The following DCLK1 variants were observed in gnomAD, a reference collection of about 807,000 sequenced individuals.
The protein encoded by DCLK1 is doublecortin like kinase 1.
DCLK1 carries 16 observed loss-of-function variants against 86.2 expected under a neutral mutation model. That is an observed-to-expected ratio of 0.19 (90% CI 0.13 to 0.28). The LOEUF is 0.28. DCLK1 is among the 10% of genes least tolerant of loss of function. The pLI is 1.00. For synonymous variants in DCLK1, 369 were observed against 370.5 expected, an observed-to-expected ratio of 1.00 and a Z score of 0.05; for missense variants, 590 against 940.2, an observed-to-expected ratio of 0.63 and a Z score of 4.87.
chr13:35,817,530 TA>T (rs1229500721), intron 11 of DCLK1, among the ~76,000 whole-genome samples: 1 of 152,196 alleles, frequency 6.6e-6, no homozygotes, highest in African/African-American at 2.4e-5. Context: ...TCTTGCCCAC[TA>T]ATATCTTCTC....
chr13:35,975,957 C>T (rs960709622), intron 3 of DCLK1, among the ~76,000 whole-genome samples: 1 of 152,192 alleles, frequency 6.6e-6, no homozygotes, highest in African/African-American at 2.4e-5. Flanking sequence ...CAGGGGACCA[C>T]ATCCTCCGAC....
chr13:35,859,370 G>T (rs892313757), intron 5 of DCLK1, among the ~76,000 whole-genome samples: 3 of 151,556 alleles, frequency 2.0e-5, no homozygotes, highest in African/African-American at 7.2e-5. Context: ...GTCATCCTTT[G>T]CTGTGCTTGT....
intron 4 of DCLK1, among the ~76,000 whole-genome samples, chr13:35,901,491 C>CAAAAA (rs58801666): frequency 0.01 from 464 of 45,878 alleles, 120 homozygotes; most frequent in Non-Finnish European, 0.011. Context: ...GACTCTGTCT[C>CAAAAA]AAAAAAAAAA....
At chr13:35,814,273 GCACA>G (rs928703357) in intron 11 of DCLK1, among the ~76,000 whole-genome samples, 2 of 151,800 alleles carry the variant, frequency 1.3e-5, no homozygotes, top group African/African-American at 4.8e-5. Flanking sequence ...GCGCACACAC[GCACA>G]CACACACAGC....
intron 11 of DCLK1, 97 bp downstream of exon 11, chr13:35,822,632 A>G: frequency 1.3e-6 from 2 of 1,539,482 alleles, no homozygotes; most frequent in African/African-American, 2.8e-5. Context: ...CCTTTCAGGT[A>G]AATTTTTAAA....
chr13:36,020,839 A>G (rs1475712853), intron 3 of DCLK1, among the ~76,000 whole-genome samples: 1 of 152,214 alleles, frequency 6.6e-6, no homozygotes, highest in Admixed American at 6.5e-5. Context: ...ACTAGCAGTC[A>G]TGCCTTACAG....
At chr13:35,989,519 G>A (rs1046787561) in intron 3 of DCLK1, among the ~76,000 whole-genome samples, 7 of 152,008 alleles carry the variant, frequency 4.6e-5, no homozygotes, top group Non-Finnish European at 7.4e-5. Context: ...TGATCCACCC[G>A]CCTCGGCTTC....
chr13:36,021,524 T>C (rs1363511244), intron 3 of DCLK1, among the ~76,000 whole-genome samples: 1 of 151,982 alleles, frequency 6.6e-6, no homozygotes, highest in Non-Finnish European at 1.5e-5. Flanking sequence ...GATTCAAAGA[T>C]ACAAGTAGTT....
At chr13:36,125,488 A>G (rs1319161597) in intron 2 of DCLK1, among the ~76,000 whole-genome samples, 1 of 152,240 alleles carries the variant, frequency 6.6e-6, no homozygotes, top group African/African-American at 2.4e-5. Context: ...GACTTTTAAA[A>G]TTAATGCAGC....
chr13:36,081,961 A>G (rs1884434881), intron 3 of DCLK1, among the ~76,000 whole-genome samples: 1 of 152,236 alleles, frequency 6.6e-6, no homozygotes, highest in Non-Finnish European at 1.5e-5. Flanking sequence ...GGCATTGGAT[A>G]TGCACTATCT....
chr13:35,947,322 A>G (rs1283185121), intron 4 of DCLK1, 36 bp downstream of exon 4: 2 of 1,584,380 alleles, frequency 1.3e-6, no homozygotes, highest in South Asian at 2.2e-5. Flanking sequence ...AAGCTGCCTC[A>G]AATTTCCCCT....
intron 4 of DCLK1, among the ~76,000 whole-genome samples, chr13:35,889,276 TC>T (rs1477585601): frequency 6.6e-6 from 1 of 152,242 alleles, no homozygotes; most frequent in Non-Finnish European, 1.5e-5. Context: ...TCCCTCTTTT[TC>T]TTTAAAAATA....
intron 8 of DCLK1, among the ~76,000 whole-genome samples, chr13:35,832,081 T>C (rs991845608): frequency 2.0e-5 from 3 of 152,026 alleles, no homozygotes; most frequent in African/African-American, 7.2e-5. Context: ...TCACTTGAGA[T>C]CAAGAGTTTG....
chr13:35,838,465 C>T (rs1467659815), intron 7 of DCLK1, among the ~76,000 whole-genome samples: 2 of 152,120 alleles, frequency 1.3e-5, no homozygotes, highest in Non-Finnish European at 2.9e-5. Flanking sequence ...GTGTGATTCA[C>T]AATCTCCATT....
intron 4 of DCLK1, among the ~76,000 whole-genome samples, chr13:35,889,280 T>TAAAA (rs886282788): frequency 6.6e-6 from 1 of 152,222 alleles, no homozygotes; most frequent in East Asian, 1.9e-4. Context: ...TCTTTTTCTT[T>TAAAA]AAAAATAATC....
chr13:35,789,897 C>A (rs879845558), intron 16 of DCLK1, among the ~76,000 whole-genome samples: 3 of 147,766 alleles, frequency 2.0e-5, no homozygotes, highest in Non-Finnish European at 3.0e-5. Flanking sequence ...TTTTTTTTTT[C>A]AAATCCCCCA....
At chr13:36,131,580 G>T (rs2138234667), upstream of DCLK1, among the ~76,000 whole-genome samples, 1 of 152,198 alleles carries the variant, frequency 6.6e-6, no homozygotes, top group Middle Eastern at 3.4e-3. Context: ...GGTGCATCTG[G>T]CTTGACTACA....
At chr13:35,981,373 A>G (rs1879629868) in intron 3 of DCLK1, among the ~76,000 whole-genome samples, 1 of 152,108 alleles carries the variant, frequency 6.6e-6, no homozygotes, top group Non-Finnish European at 1.5e-5. Context: ...ACTGAGAGGA[A>G]GGGATGGAGA....
chr13:35,799,511 A>C (rs1272731068), intron 15 of DCLK1, among the ~76,000 whole-genome samples: 2 of 152,096 alleles, frequency 1.3e-5, no homozygotes, highest in African/African-American at 4.8e-5. Context: ...TCGGCCTCCC[A>C]AAGTGCTGGG....
Sources: gnomAD v4.1 joint callset for allele counts (sites outside exome capture counted in the v4.1 genomes callset) on GRCh38, gnomAD v4.1.1 for gene constraint, MANE v1.5 for transcripts, NCBI Gene and HGNC (gene_info 2026-07-23, HGNC 2026-07-21) for gene names.